Variants in KCNT1 observed in about 807,000 individuals in gnomAD.
KCNT1 encodes the protein potassium sodium-activated channel subfamily T member 1, also known as potassium channel subfamily T member 1.
KCNT1 carries 78 observed loss-of-function variants against 147.8 expected under a neutral mutation model. That is an observed-to-expected ratio of 0.53 (90% CI 0.44 to 0.64). KCNT1 has a LOEUF of 0.64. Ranked by LOEUF, KCNT1 falls within the 30% of genes least tolerant of loss-of-function variation. The probability of loss-of-function intolerance (pLI) is 0.00; values close to 1 mark genes in which losing one functional copy is unlikely to be tolerated. For synonymous variants in KCNT1, 867 were observed against 748.8 expected (o/e 1.16, Z -2.58); for missense variants, 1,419 against 1,750.3 (o/e 0.81, Z 3.38).
chr9:135,761,755 A>G (rs1438912016), intron 11 of KCNT1, among the ~76,000 whole-genome samples: 2 of 152,174 alleles, frequency 1.3e-5, no homozygotes, highest in African/African-American at 4.8e-5. Flanking sequence ...AAGCCCTTCC[A>G]GAGAAACATC....
intron 29 of KCNT1, among the ~76,000 whole-genome samples, chr9:135,786,759 T>C (rs1377926046): frequency 6.6e-6 from 1 of 152,234 alleles, no homozygotes; most frequent in Non-Finnish European, 1.5e-5. Flanking sequence ...TGGCCCACCC[T>C]GGTGCTGGGA....
intron 1 of KCNT1, among the ~76,000 whole-genome samples, chr9:135,713,771 G>A (rs1354595023): frequency 1.3e-5 from 2 of 152,220 alleles, no homozygotes; most frequent in South Asian, 2.1e-4. Context: ...ACTCACTTCA[G>A]TGGGGGACAT....
At chr9:135,704,283 G>T (rs1391499108) in intron 1 of KCNT1, among the ~76,000 whole-genome samples, 2 of 152,170 alleles carry the variant, frequency 1.3e-5, no homozygotes, top group African/African-American at 4.8e-5. Context: ...GCCAGCCTTG[G>T]TGCTATGGTT....
intron 29 of KCNT1, among the ~76,000 whole-genome samples, chr9:135,787,277 C>T (rs1049752353): frequency 1.3e-5 from 2 of 152,204 alleles, no homozygotes; most frequent in African/African-American, 4.8e-5. Context: ...GCTTGGGCTT[C>T]GGGGCCCTAC....
At chr9:135,771,939 A>C (rs1037447078) in intron 18 of KCNT1, among the ~76,000 whole-genome samples, 2 of 152,120 alleles carry the variant, frequency 1.3e-5, no homozygotes, top group Non-Finnish European at 2.9e-5. Flanking sequence ...GGGTGTTGTT[A>C]CACGGTGGCT....
At chr9:135,704,068 C>T (rs1588241352) in intron 1 of KCNT1, among the ~76,000 whole-genome samples, 1 of 152,352 alleles carries the variant, frequency 6.6e-6, no homozygotes, top group African/African-American at 2.4e-5. Flanking sequence ...GGCTTGCGGC[C>T]CAGGCAGGTG....
chr9:135,783,030 A>G (rs1352097910), intron 24 of KCNT1, among the ~76,000 whole-genome samples: 3 of 152,158 alleles, frequency 2.0e-5, no homozygotes, highest in Admixed American at 6.5e-5. Flanking sequence ...TCCGGGGGGA[A>G]GTGTGGCCTC....
At chr9:135,780,447 C>G (rs898919574) in intron 24 of KCNT1, among the ~76,000 whole-genome samples, 1 of 152,184 alleles carries the variant, frequency 6.6e-6, no homozygotes, top group African/African-American at 2.4e-5. Context: ...TGGCTTTGTC[C>G]CACCTGAACC....
chr9:135,760,437 C>G (rs1831839520), intron 11 of KCNT1, among the ~76,000 whole-genome samples: 1 of 152,184 alleles, frequency 6.6e-6, no homozygotes, highest in Non-Finnish European at 1.5e-5. Context: ...CCTGGAGGGA[C>G]CCTGCTATTG....
At chr9:135,761,640 G>T (rs1831916915) in intron 11 of KCNT1, among the ~76,000 whole-genome samples, 1 of 152,244 alleles carries the variant, frequency 6.6e-6, no homozygotes, top group Admixed American at 6.5e-5. Context: ...CTCCGTCCCT[G>T]GTCCGCCCCG....
rs543959828 is a variant in KCNT1 at position 135,738,813 on chromosome 9, G to A, written c.255-11285G>A. The stretch of plus-strand genomic sequence containing the variant: ...TCCAGCTCCCCTGACCCTGAGCTCC[G>A]GGGTCTCCTCCTTCCTTCTCACTCC... On this transcript the variant is annotated intron_variant, in intron 2 of 30. Transcript: ENST00000371757. Among the ~76,000 whole-genome samples, 69 of 152,224 alleles carry A rather than the reference G, an allele frequency of 4.5e-4. 1 individual carries two copies. In the South Asian group the frequency reaches 0.013, roughly 29 times the overall value.
At chr9:135,726,120 T>G (rs994763425) in intron 2 of KCNT1, among the ~76,000 whole-genome samples, 13 of 151,452 alleles carry the variant, frequency 8.6e-5, no homozygotes, top group African/African-American at 3.2e-4. Context: ...GGGAGAGGCC[T>G]GCAGTCGTGG....
At position 135,759,754 on chromosome 9, in the gene KCNT1, C is replaced by T. The variant is rs1831782597; in HGVS notation, c.930C>T (p.Val310=). 1 of 1,613,600 alleles carries T rather than the reference C, an allele frequency of 6.2e-7. No individual in the cohort carries two copies. ...SLLTSFYFCI[V]TFSTVGYGDV... ...TGACCTCCTTCTACTTCTGCATCGT[C>T]ACCTTCTCCACCGTGGGCTACGGTG... The change falls in exon 11 of 31, where the codon GTC becomes GTT. Residue 310 remains valine, a synonymous_variant. Coordinates refer to ENST00000371757, the MANE Select transcript of KCNT1 (RefSeq NM_020822.3).
At chr9:135,718,836 C>T (rs1034097564) in intron 2 of KCNT1, among the ~76,000 whole-genome samples, 2 of 152,226 alleles carry the variant, frequency 1.3e-5, no homozygotes, top group East Asian at 1.9e-4. Context: ...GCCTCCATCG[C>T]CCGTGGCCTT....
Position 135,770,467 on chromosome 9 carries a change from A to ACAGGGCTGGCGCTC in KCNT1, c.1769+29_1769+42dup. Reference sequence around the variant, plus strand: ...CAAGAAGTAAGGCCGGGCTGCATCCACAGGGCTGGCGCTCCAGGGCTGCTC... The same window carrying ACAGGGCTGGCGCTC: ...CAAGAAGTAAGGCCGGGCTGCATCCACAGGGCTGGCGCTCCAGGGCTGGCGCTCCAGGGCTGCTC... On this transcript the variant is annotated intron_variant, in intron 17 of 30. Coordinates refer to ENST00000371757, the MANE Select transcript of KCNT1 (RefSeq NM_020822.3). The ACAGGGCTGGCGCTC allele has an allele frequency of 1.3e-6, 2 of 1,598,864 alleles. No homozygotes were observed. Among genetic ancestry groups the ACAGGGCTGGCGCTC allele is most frequent in the Non-Finnish European group, 1.7e-6 (2 of 1,172,578 alleles).
intron 2 of KCNT1, among the ~76,000 whole-genome samples, chr9:135,735,414 G>A (rs929396362): frequency 6.6e-6 from 1 of 152,178 alleles, no homozygotes; most frequent in East Asian, 1.9e-4. Flanking sequence ...ATGGAAGCCT[G>A]TGCTGCCTGT....
intron 4 of KCNT1, among the ~76,000 whole-genome samples, chr9:135,751,850 G>A (rs1043314046): frequency 6.6e-6 from 1 of 152,188 alleles, no homozygotes; most frequent in African/African-American, 2.4e-5. Context: ...TCTGTGTCCT[G>A]TTTCTTCTCT....
intron 27 of KCNT1, among the ~76,000 whole-genome samples, 180 bp downstream of exon 27, chr9:135,785,069 C>T (rs1055253432): frequency 6.6e-6 from 1 of 152,214 alleles, no homozygotes; most frequent in Non-Finnish European, 1.5e-5. Flanking sequence ...CAGCTCCTTC[C>T]GTCTGGTCCG....
intron 2 of KCNT1, among the ~76,000 whole-genome samples, chr9:135,723,407 C>T (rs758837264): frequency 2.0e-5 from 3 of 152,348 alleles, no homozygotes; most frequent in Admixed American, 6.5e-5. Flanking sequence ...TGAACAGGGC[C>T]GGCGCCGGCA....
Sources: gnomAD v4.1 joint callset for allele counts (sites outside exome capture counted in the v4.1 genomes callset) on GRCh38, gnomAD v4.1.1 for gene constraint, MANE v1.5 for transcripts, NCBI Gene and HGNC (gene_info 2026-07-23, HGNC 2026-07-21) for gene names.